The following SPAG16 variants were observed in gnomAD, a reference collection of about 807,000 sequenced individuals.
SPAG16 encodes sperm-associated antigen 16 protein.
A neutral mutation model predicts 80.4 loss-of-function variants in SPAG16; 86 were observed. The ratio of observed to expected loss-of-function variants is 1.07; its 90% confidence interval spans 0.90 to 1.28. The LOEUF (loss-of-function observed/expected upper bound fraction) is 1.28. Ranked by LOEUF, SPAG16 falls within the 50% of genes most tolerant of loss-of-function variation. SPAG16 has a pLI of 0.00. For synonymous variants in SPAG16, 294 were observed against 265.9 expected, an observed-to-expected ratio of 1.11 and a Z score of -1.03; for missense variants, 870 against 765.3, an observed-to-expected ratio of 1.14 and a Z score of -1.61.
At chr2:214,355,825 A>G (rs989675120) in intron 15 of SPAG16, among the ~76,000 whole-genome samples, 19 of 151,720 alleles carry the variant, frequency 1.3e-4, no homozygotes, top group Non-Finnish European at 2.6e-4. Context: ...CATATACACC[A>G]TGGAATACTA....
chr2:214,321,745 T>A (rs1248873854), intron 15 of SPAG16, among the ~76,000 whole-genome samples: 1 of 152,202 alleles, frequency 6.6e-6, no homozygotes, highest in Non-Finnish European at 1.5e-5. Flanking sequence ...TGGTATATTA[T>A]TGAAATCAAA....
chr2:213,290,432 C>T (rs768365124), intron 1 of SPAG16, among the ~76,000 whole-genome samples: 10 of 152,080 alleles, frequency 6.6e-5, no homozygotes, highest in Non-Finnish European at 1.5e-4. Flanking sequence ...ATCTAGAAAA[C>T]AAGGCACAGT....
intron 10 of SPAG16, among the ~76,000 whole-genome samples, chr2:213,722,057 A>C: frequency 6.6e-6 from 1 of 152,248 alleles, no homozygotes; most frequent in African/African-American, 2.4e-5. Flanking sequence ...AAGAAGTGTA[A>C]GACATGTCTT....
intron 15 of SPAG16, among the ~76,000 whole-genome samples, chr2:214,171,273 A>T (rs922372493): frequency 6.6e-6 from 1 of 151,892 alleles, no homozygotes; most frequent in Non-Finnish European, 1.5e-5. Context: ...CATGGCAAAA[A>T]TGTGAAGCAT....
chr2:213,343,756 A>G (rs2064816186), intron 6 of SPAG16, among the ~76,000 whole-genome samples: 1 of 152,164 alleles, frequency 6.6e-6, no homozygotes, highest in Non-Finnish European at 1.5e-5. Flanking sequence ...AGATCAATGA[A>G]CATGAAGACA....
chr2:213,565,867 A>G (rs1315177707), intron 10 of SPAG16, among the ~76,000 whole-genome samples: 1 of 152,212 alleles, frequency 6.6e-6, no homozygotes, highest in African/African-American at 2.4e-5. Context: ...ATTCAAAGCA[A>G]TGATAACGAT....
chr2:213,600,826 C>G (rs1349053664), intron 10 of SPAG16, among the ~76,000 whole-genome samples: 1 of 151,984 alleles, frequency 6.6e-6, no homozygotes, highest in East Asian at 1.9e-4. Context: ...GTTGTAGAGG[C>G]AAAGGAAAAA....
chr2:213,493,826 C>T (rs1373484268), intron 10 of SPAG16, among the ~76,000 whole-genome samples: 2 of 152,180 alleles, frequency 1.3e-5, no homozygotes, highest in African/African-American at 4.8e-5. Context: ...GAGAACTCCC[C>T]ATCAAACCTA....
intron 12 of SPAG16, among the ~76,000 whole-genome samples, chr2:213,970,614 A>G (rs2044990966): frequency 6.6e-6 from 1 of 152,194 alleles, no homozygotes; most frequent in South Asian, 2.1e-4. Context: ...TAATGCTAAA[A>G]GTTTATAACA....
intron 15 of SPAG16, among the ~76,000 whole-genome samples, chr2:214,278,394 G>A (rs1467319870): frequency 2.6e-5 from 4 of 152,248 alleles, no homozygotes; most frequent in Admixed American, 2.0e-4. Flanking sequence ...CACATCTTCT[G>A]CATCAATCAT....
intron 10 of SPAG16, among the ~76,000 whole-genome samples, chr2:213,652,273 G>A (rs2063051948): frequency 6.6e-6 from 1 of 152,000 alleles, no homozygotes; most frequent in Non-Finnish European, 1.5e-5. Flanking sequence ...TCCCCATATG[G>A]TATATACTAG....
chr2:213,347,942 G>T (rs1304299472), intron 6 of SPAG16, among the ~76,000 whole-genome samples: 1 of 152,100 alleles, frequency 6.6e-6, no homozygotes, highest in Non-Finnish European at 1.5e-5. Context: ...GGATATCCTT[G>T]TTAACTTTCT....
At chr2:213,618,167 G>A (rs751867709) in intron 10 of SPAG16, among the ~76,000 whole-genome samples, 4 of 152,100 alleles carry the variant, frequency 2.6e-5, no homozygotes, top group Non-Finnish European at 5.9e-5. Flanking sequence ...GGTTTCCATT[G>A]TCTGCCCTTG....
chr2:213,558,889 T>C (rs1044429899), intron 10 of SPAG16, among the ~76,000 whole-genome samples: 2 of 152,190 alleles, frequency 1.3e-5, no homozygotes, highest in Non-Finnish European at 1.5e-5. Flanking sequence ...TTTCCTGAGA[T>C]GTTTCAATGC....
At chr2:213,297,079 A>T in intron 2 of SPAG16, 183 bp from the exon 3 acceptor site, 1 of 1,445,636 alleles carries the variant, frequency 6.9e-7, no homozygotes, top group Non-Finnish European at 9.2e-7. Context: ...GTTTATTGAC[A>T]TTTACAAGGA....
intron 10 of SPAG16, among the ~76,000 whole-genome samples, chr2:213,596,258 G>A (rs1376908928): frequency 6.6e-6 from 1 of 152,074 alleles, no homozygotes; most frequent in African/African-American, 2.4e-5. Context: ...TTTACATGTT[G>A]ATTTGAACTT....
At chr2:213,442,622 T>G (rs1332979262) in intron 9 of SPAG16, among the ~76,000 whole-genome samples, 11 of 152,106 alleles carry the variant, frequency 7.2e-5, no homozygotes, top group African/African-American at 2.7e-4. Context: ...GCCACACAAA[T>G]ATAGTCAATT....
At chr2:214,088,151 G>T (rs1476059609) in intron 13 of SPAG16, among the ~76,000 whole-genome samples, 2 of 152,002 alleles carry the variant, frequency 1.3e-5, no homozygotes, top group African/African-American at 2.4e-5. Context: ...ACCTTTTCCA[G>T]GGAGTGGAGG....
intron 11 of SPAG16, among the ~76,000 whole-genome samples, chr2:213,867,926 C>CAAAAAAAAAAAAAAAAAAAAAAA (rs35795865): frequency 2.2e-5 from 1 of 45,890 alleles, no homozygotes; most frequent in Non-Finnish European, 4.5e-5. Context: ...TCTGTCTCAA[C>CAAAAAAAAAAAAAAAAAAAAAAA]AAAAAAAAAA....
Sources: allele counts gnomAD v4.1 joint callset (sites outside exome capture counted in the v4.1 genomes callset), GRCh38; gene constraint gnomAD v4.1.1; transcripts MANE v1.5; gene names NCBI Gene and HGNC (gene_info 2026-07-23, HGNC 2026-07-21).